Variants in PACRG observed in about 807,000 individuals in gnomAD.
PACRG encodes parkin coregulated gene protein.
In PACRG, 29 loss-of-function variants were observed where a neutral mutation model predicts 29.7. The observed-to-expected ratio is 0.98, with a 90% CI of 0.73 to 1.33. The LOEUF (loss-of-function observed/expected upper bound fraction) is 1.33, where lower values mean the gene tolerates loss of function less well. PACRG is among the 40% of genes most tolerant of loss of function. The pLI is 0.00. For synonymous variants in PACRG, 116 were observed against 118.7 expected (o/e 0.98, Z 0.15); for missense variants, 279 against 316.2 (o/e 0.88, Z 0.89).
At chr6:162,947,623 T>TATATATATATATAATC (rs1799312268) in intron 2 of PACRG, among the ~76,000 whole-genome samples, 2 of 33,854 alleles carry the variant, frequency 5.9e-5, no homozygotes, top group Non-Finnish European at 6.1e-5. Flanking sequence ...TATATATATA[T>TATATATATATATAATC]ATATATATAT....
chr6:163,191,965 C>T (rs995224844), intron 4 of PACRG: 10 of 324,016 alleles, frequency 3.1e-5, no homozygotes, highest in Admixed American at 1.2e-4. Flanking sequence ...GTGCTATCTA[C>T]GGGGAAGCAC....
At chr6:163,299,296 G>T (rs1310393299) in intron 4 of PACRG, among the ~76,000 whole-genome samples, 1 of 152,196 alleles carries the variant, frequency 6.6e-6, no homozygotes, top group East Asian at 1.9e-4. Flanking sequence ...CACCAGGCAG[G>T]CCATGTGGCC....
intron 2 of PACRG, among the ~76,000 whole-genome samples, chr6:163,057,994 C>T (rs1454479441): frequency 6.6e-6 from 1 of 152,074 alleles, no homozygotes; most frequent in African/African-American, 2.4e-5. Context: ...TCCAATTATG[C>T]CCTGTTAGAA....
intron 3 of PACRG, among the ~76,000 whole-genome samples, chr6:163,066,164 G>GA (rs1811525935): frequency 6.6e-6 from 1 of 152,162 alleles, no homozygotes; most frequent in Admixed American, 6.5e-5. Context: ...ATAACATAAA[G>GA]AAAAATCCTT....
At chr6:163,072,590 A>G (rs1812168032) in intron 3 of PACRG, among the ~76,000 whole-genome samples, 1 of 152,154 alleles carries the variant, frequency 6.6e-6, no homozygotes, top group African/African-American at 2.4e-5. Flanking sequence ...TCAACGTAGT[A>G]CTGGAAGTCT....
intron 4 of PACRG, among the ~76,000 whole-genome samples, chr6:163,234,753 A>G (rs1782169918): frequency 6.6e-6 from 1 of 152,200 alleles, no homozygotes; most frequent in Non-Finnish European, 1.5e-5. Flanking sequence ...CTTGGAGGCA[A>G]AGTAAAATAA....
intron 4 of PACRG, among the ~76,000 whole-genome samples, chr6:163,131,315 C>CAAAAAAAAAAA: frequency 7.3e-6 from 1 of 136,184 alleles, no homozygotes; most frequent in Non-Finnish European, 1.6e-5. Flanking sequence ...CTGTCTCAAA[C>CAAAAAAAAAAA]AAAAAAAAAA....
At chr6:163,134,925 C>T (rs1816868570) in intron 4 of PACRG, among the ~76,000 whole-genome samples, 1 of 152,164 alleles carries the variant, frequency 6.6e-6, no homozygotes, top group African/African-American at 2.4e-5. Context: ...CCGACACCAC[C>T]TGTGGACCCC....
At chr6:162,780,385 A>G (rs1784005781) in intron 1 of PACRG, among the ~76,000 whole-genome samples, 1 of 152,226 alleles carries the variant, frequency 6.6e-6, no homozygotes, top group Non-Finnish European at 1.5e-5. Context: ...TAAGTTAACC[A>G]TGTTCCAGAG....
upstream of PACRG, chr6:162,727,765 C>T: frequency 3.1e-6 from 4 of 1,279,934 alleles, no homozygotes; most frequent in South Asian, 1.3e-5. Flanking sequence ...GGGTTAAATC[C>T]TCCAGGCCTC....
chr6:162,755,065 C>G (rs924074998), intron 1 of PACRG, among the ~76,000 whole-genome samples: 2 of 152,128 alleles, frequency 1.3e-5, no homozygotes, highest in African/African-American at 2.4e-5. Flanking sequence ...CTAGATTATA[C>G]AGTGTGTTGG....
At chr6:162,960,891 A>AGCACCATCAGGAAAACATTTTCTCTTTCC (rs1800555270) in intron 2 of PACRG, among the ~76,000 whole-genome samples, 2 of 149,610 alleles carry the variant, frequency 1.3e-5, no homozygotes, top group Non-Finnish European at 3.0e-5. Context: ...AGCTAGTTTA[A>AGCACCATCAGGAAAACATTTTCTCTTTCC]CAGCACCATC....
chr6:163,023,158 G>A (rs1451441634), intron 2 of PACRG, among the ~76,000 whole-genome samples: 22 of 152,140 alleles, frequency 1.4e-4, no homozygotes, highest in Admixed American at 1.4e-3. Flanking sequence ...GCTGGGGCTG[G>A]GAGTAGGAAT....
chr6:163,297,241 C>A (rs1233993021), intron 4 of PACRG, among the ~76,000 whole-genome samples: 2 of 152,186 alleles, frequency 1.3e-5, no homozygotes, highest in Non-Finnish European at 2.9e-5. Flanking sequence ...AAAATTGACA[C>A]CCTGGTGCTT....
intron 1 of PACRG, among the ~76,000 whole-genome samples, chr6:162,735,232 C>T (rs1179484739): frequency 6.6e-6 from 1 of 152,116 alleles, no homozygotes; most frequent in Non-Finnish European, 1.5e-5. Flanking sequence ...GAGAAAGTAT[C>T]TACGCATGAC....
intron 4 of PACRG, among the ~76,000 whole-genome samples, chr6:163,216,634 C>T (rs1210879863): frequency 6.6e-6 from 1 of 152,148 alleles, no homozygotes; most frequent in African/African-American, 2.4e-5. Context: ...CACCATCCAT[C>T]TACCCTTCAG....
upstream of PACRG, chr6:162,727,724 G>GCCAGCCGCGCCTCCCA: frequency 2.0e-6 from 3 of 1,533,376 alleles, no homozygotes; most frequent in Non-Finnish European, 2.6e-6. Context: ...GCGCAGCGGC[G>GCCAGCCGCGCCTCCCA]CCAGCCGCGC....
At chr6:163,245,715 C>T (rs1163637459) in intron 4 of PACRG, among the ~76,000 whole-genome samples, 1 of 152,058 alleles carries the variant, frequency 6.6e-6, no homozygotes, top group Non-Finnish European at 1.5e-5. Flanking sequence ...CTCCTGTGTC[C>T]GACTTCCTAA....
intron 2 of PACRG, among the ~76,000 whole-genome samples, chr6:162,965,375 A>C (rs1484691857): frequency 6.6e-6 from 1 of 152,210 alleles, no homozygotes; most frequent in African/African-American, 2.4e-5. Flanking sequence ...ATAGAAATTT[A>C]TTTCTCATAG....
Sources: gnomAD v4.1 joint callset for allele counts (sites outside exome capture counted in the v4.1 genomes callset) on GRCh38, gnomAD v4.1.1 for gene constraint, MANE v1.5 for transcripts, NCBI Gene and HGNC (gene_info 2026-07-23, HGNC 2026-07-21) for gene names.